The following ZC3H3 variants were observed in gnomAD, a reference collection of about 807,000 sequenced individuals.
ZC3H3 encodes the protein zinc finger CCCH domain-containing protein 3.
A neutral mutation model predicts 77.3 loss-of-function variants in ZC3H3; 36 were observed. The ratio of observed to expected loss-of-function variants is 0.47; its 90% CI spans 0.36 to 0.61. The LOEUF is 0.61. Ranked by LOEUF, ZC3H3 falls within the 20% of genes least tolerant of loss-of-function variation. The pLI, the probability that ZC3H3 is intolerant of heterozygous loss-of-function variation, is 0.00. For missense variants in ZC3H3, 1,331 were observed against 1,312.2 expected, an observed-to-expected ratio of 1.01 and a Z score of -0.22; for synonymous variants, 626 against 555.2, an observed-to-expected ratio of 1.13 and a Z score of -1.79.
chr8:143,495,110 G>A (rs1821311266), intron 4 of ZC3H3, among the ~76,000 whole-genome samples: 1 of 152,230 alleles, frequency 6.6e-6, no homozygotes, highest in African/African-American at 2.4e-5. Context: ...AAACACAGGT[G>A]CACAGAAAGA....
intron 4 of ZC3H3, among the ~76,000 whole-genome samples, chr8:143,479,414 G>GC (rs1031217275): frequency 4.6e-5 from 7 of 152,176 alleles, no homozygotes; most frequent in Non-Finnish European, 7.3e-5. Context: ...CCCGGAGCGC[G>GC]CGTCTGCCCT....
At chr8:143,441,879 C>T (rs1455971849) in intron 9 of ZC3H3, among the ~76,000 whole-genome samples, 1 of 152,208 alleles carries the variant, frequency 6.6e-6, no homozygotes, top group Non-Finnish European at 1.5e-5. Context: ...TGCCCTCCCC[C>T]TCACCCTGCA....
intron 4 of ZC3H3, among the ~76,000 whole-genome samples, chr8:143,489,295 C>T (rs1306823986): frequency 6.6e-6 from 1 of 151,760 alleles, no homozygotes; most frequent in East Asian, 1.9e-4. Flanking sequence ...GGGCAGGGGA[C>T]GCCCCAGGTG....
At chr8:143,516,857 C>T (rs997277278) in intron 3 of ZC3H3, among the ~76,000 whole-genome samples, 77 of 152,210 alleles carry the variant, frequency 5.1e-4, no homozygotes, top group African/African-American at 1.8e-3. Flanking sequence ...CAAATCACAA[C>T]GGCAGCCCGA....
rs199588360 is a variant in ZC3H3, at chr8:143,507,793, G to C, written c.1668C>G (p.Phe556Leu). The change falls in exon 4 of 12, where the codon TTC (phenylalanine) becomes TTG (leucine). Residue 556 changes from phenylalanine (F) to leucine (L), a missense_variant. Coordinates refer to ENST00000262577, the MANE Select transcript of ZC3H3 (RefSeq NM_015117.3). ...TPASPLSAPP[F>L]PLSLPSWRAR... ...CCCGCCAGGAGGGCAGAGACAGGGG[G>C]AAGGGCGGGGCGCTGAGAGGCGAGG... The C allele has an allele frequency of 1.2e-4, 193 of 1,603,646 alleles. 1 individual carries two copies. Among genetic ancestry groups the C allele is most frequent in the Admixed American group, 1.3e-4 (8 of 59,852 alleles).
chr8:143,531,074 C>T (rs1230028287), intron 3 of ZC3H3, among the ~76,000 whole-genome samples: 4 of 151,962 alleles, frequency 2.6e-5, no homozygotes, highest in African/African-American at 9.7e-5. Context: ...ATCCTCTCAC[C>T]CCAGCCTCCC....
chr8:143,512,698 T>A (rs577172756), intron 3 of ZC3H3, among the ~76,000 whole-genome samples: 5 of 152,278 alleles, frequency 3.3e-5, no homozygotes, highest in Admixed American at 2.0e-4. Context: ...ACTCACTGGC[T>A]GGGCCTCTTC....
In ZC3H3 at chr8:143,507,915, A is replaced by G; in HGVS notation, c.1562-16T>C. The G allele has an allele frequency of 1.3e-6, 2 of 1,571,542 alleles. No homozygotes were observed. Among genetic ancestry groups the G allele is most frequent in the Non-Finnish European group, 1.7e-6 (2 of 1,153,332 alleles). Reference sequence around the variant, plus strand: ...AGGCTGGACGCTGTAGAGAAAACCCAGGGCACAGACATGGGTCAGGGAAGG... The same window carrying G: ...AGGCTGGACGCTGTAGAGAAAACCCGGGGCACAGACATGGGTCAGGGAAGG... On this transcript the variant is annotated splice_polypyrimidine_tract_variant and intron_variant, in intron 3 of 11. Coordinates refer to ENST00000262577, the MANE Select transcript of ZC3H3 (RefSeq NM_015117.3).
At chr8:143,495,547 G>A (rs796573272) in intron 4 of ZC3H3, among the ~76,000 whole-genome samples, 7 of 152,270 alleles carry the variant, frequency 4.6e-5, no homozygotes, top group East Asian at 1.9e-4. Context: ...TCTTTATCTC[G>A]ACGAGGTATG....
Position 143,493,574 on chromosome 8 carries a change from G to C in ZC3H3, c.1715+14172C>G, listed in dbSNP as rs1329038587. On this transcript the variant is annotated intron_variant, in intron 4 of 11. Transcript: ENST00000262577. The surrounding 1 kb of genome is among the most constrained non-coding windows in gnomAD (Gnocchi z 4.8). ...AGGACTCCACTCACAAAGCCGAAAG[G>C]CCTGCCTGCCTCAAACAAACAGAGA... Among the ~76,000 whole-genome samples, 4 of 152,272 alleles carry C rather than the reference G, an allele frequency of 2.6e-5. No individual in the cohort carries two copies. The East Asian group carries it at 7.7e-4, about 29-fold the overall frequency.
intron 3 of ZC3H3, among the ~76,000 whole-genome samples, chr8:143,518,444 G>T (rs573542808): frequency 6.6e-6 from 1 of 152,356 alleles, no homozygotes; most frequent in East Asian, 1.9e-4. Flanking sequence ...TCTTTGGAGA[G>T]AGTCCTGGCA....
In ZC3H3 at chr8:143,468,598, C is replaced by T. The variant is rs1373246194; in HGVS notation, c.1946+19G>A. The T allele has an allele frequency of 3.8e-6, 6 of 1,575,434 alleles. No homozygotes were observed. The highest frequency in any genetic ancestry group is 5.2e-6 in the Non-Finnish European group (6 of 1,161,454). On this transcript the variant is annotated intron_variant, in intron 6 of 11. Transcript: ENST00000262577. ...GGGCGAGCAGGGAGCCCACCCACTG[C>T]CCAGCCCAAAGGCATTACCTGGCCA...
chr8:143,518,899 A>T (rs1822149390), intron 3 of ZC3H3, among the ~76,000 whole-genome samples: 1 of 152,246 alleles, frequency 6.6e-6, no homozygotes, highest in South Asian at 2.1e-4. Context: ...GGGTGGCACC[A>T]GCCCGGCAGG....
intron 3 of ZC3H3, among the ~76,000 whole-genome samples, chr8:143,535,246 C>T (rs529909651): frequency 1.3e-5 from 2 of 152,216 alleles, no homozygotes; most frequent in East Asian, 3.9e-4. Context: ...GCCATGTTGC[C>T]CAGGCTGGTC....
intron 4 of ZC3H3, among the ~76,000 whole-genome samples, chr8:143,490,422 C>A (rs1301697476): frequency 6.6e-6 from 1 of 152,198 alleles, no homozygotes; most frequent in African/African-American, 2.4e-5. Flanking sequence ...ACTGCAGTGA[C>A]CACCCAGGCC....
At position 143,440,316 on chromosome 8, in the gene ZC3H3, G is replaced by A; in HGVS notation, c.2540C>T (p.Ala847Val). The A allele has an allele frequency of 6.4e-7, 1 of 1,550,400 alleles. No individual in the cohort carries two copies. The highest frequency in any genetic ancestry group is 8.7e-7 in the Non-Finnish European group (1 of 1,145,474). ...QRPTRQTPSS[A>V]ALTAAAVAAP... ...AGCCACGGCAGCCGCAGTGAGGGCA[G>A]CCGAGCTGGGCGTCTGCCTGGTGGG... The change falls in exon 11 of 12, where the codon GCT (alanine) becomes GTT (valine). Residue 847 changes from alanine to valine, a missense_variant. Around this residue, in one of 3 missense-constraint regions of ZC3H3, gnomAD observed 249 missense variants for 236.9 expected, o/e 1.05. Coordinates refer to ENST00000262577, the MANE Select transcript of ZC3H3 (RefSeq NM_015117.3).
At chr8:143,477,851 C>T (rs1238644666) in intron 4 of ZC3H3, among the ~76,000 whole-genome samples, 1 of 152,194 alleles carries the variant, frequency 6.6e-6, no homozygotes, top group Non-Finnish European at 1.5e-5. Flanking sequence ...ACCGCAGCAC[C>T]AGCCACTCAC....
intron 9 of ZC3H3, among the ~76,000 whole-genome samples, chr8:143,448,430 G>C (rs536283828): frequency 1.3e-5 from 2 of 152,206 alleles, no homozygotes; most frequent in African/African-American, 4.8e-5. Context: ...TTTCAAAAGG[G>C]AGAAATCAGC....
intron 3 of ZC3H3, among the ~76,000 whole-genome samples, chr8:143,532,625 G>A (rs1822653405): frequency 2.0e-5 from 3 of 152,270 alleles, no homozygotes; most frequent in African/African-American, 7.2e-5. Flanking sequence ...GGAGGGCCTG[G>A]GAAGGGCTCA....
Sources: allele counts gnomAD v4.1 joint callset (sites outside exome capture counted in the v4.1 genomes callset), GRCh38; gene constraint gnomAD v4.1.1; regional missense constraint gnomAD v4.1.1; non-coding constraint Gnocchi (gnomAD v3.1); transcripts MANE v1.5; gene names NCBI Gene and HGNC (gene_info 2026-07-23, HGNC 2026-07-21).